The following FGD6 variants were observed in gnomAD, a reference collection of about 807,000 sequenced individuals.
FGD6 encodes the protein FYVE, RhoGEF and PH domain containing 6.
In FGD6, 90 loss-of-function variants were observed where a neutral mutation model predicts 149.4. That is an observed-to-expected ratio of 0.60 (90% confidence interval 0.51 to 0.72). The LOEUF is 0.72. FGD6 is among the 30% of genes least tolerant of loss of function. The probability of loss-of-function intolerance (pLI) is 0.00; values close to 1 mark genes in which losing one functional copy is unlikely to be tolerated. For missense variants in FGD6, 1,437 were observed against 1,684.8 expected, an observed-to-expected ratio of 0.85 and a Z score of 2.57; for synonymous variants, 527 against 584.0, an observed-to-expected ratio of 0.90 and a Z score of 1.41.
chr12:95,161,350 G>T (rs993535605), intron 3 of FGD6, among the ~76,000 whole-genome samples: 1 of 152,058 alleles, frequency 6.6e-6, no homozygotes, highest in Non-Finnish European at 1.5e-5. Flanking sequence ...ACAAAAATTA[G>T]CCAGGCGTAG....
chr12:95,130,857 G>C (rs955828135), intron 8 of FGD6, among the ~76,000 whole-genome samples: 14 of 151,974 alleles, frequency 9.2e-5, no homozygotes, highest in African/African-American at 3.4e-4. Context: ...AAAATAAAAA[G>C]CATCAGTTAA....
chr12:95,148,559 T>TTATATAATATATAGCATATATTATATTA (rs1565908133), intron 5 of FGD6, among the ~76,000 whole-genome samples: 7 of 90,288 alleles, frequency 7.8e-5, no homozygotes, highest in African/African-American at 1.2e-4. Flanking sequence ...ATATTATATA[T>TTATATAATATATAGCATATATTATATTA]TATATATTAT....
chr12:95,125,781 G>C, intron 8 of FGD6: 1 of 734,818 alleles, frequency 1.4e-6, no homozygotes, highest in Non-Finnish European at 2.5e-6. Context: ...GCACTTCATG[G>C]AGGTTGGCTG....
chr12:95,209,819 CCT>C lies in FGD6; in HGVS notation c.1463_1464del (p.Glu488GlyfsTer15), dbSNP rs1446962124. On this transcript the variant is annotated frameshift_variant, in exon 2 of 21. Coordinates refer to ENST00000343958, the MANE Select transcript of FGD6 (RefSeq NM_018351.4). LOFTEE classifies it high-confidence loss of function. Reference protein sequence around the residue: ...PQMQKESVIKEENSLRIVPKK... With the variant: ...PQMQKESVIKXENSLRIVPKK... ...TTGGGGACAATTCGTAGAGAATTTT[CCT>C]CTTTTATAACAGATTCCTTTTGCAT... The C allele has an allele frequency of 5.6e-6, 9 of 1,609,648 alleles. No homozygotes were observed. The highest frequency in any genetic ancestry group is 7.6e-6 in the Non-Finnish European group (9 of 1,179,044).
chr12:95,177,942 T>TTTATTTAC (rs1426884485), intron 2 of FGD6, among the ~76,000 whole-genome samples: 10 of 151,642 alleles, frequency 6.6e-5, no homozygotes, highest in African/African-American at 2.4e-4. Context: ...TATTTATTTA[T>TTTATTTAC]TGGTACAGAC....
chr12:95,095,639 C>T (rs1415213285), intron 14 of FGD6, among the ~76,000 whole-genome samples: 2 of 151,730 alleles, frequency 1.3e-5, no homozygotes, highest in East Asian at 1.9e-4. Flanking sequence ...CATAATAAAA[C>T]AAAATTCATC....
In FGD6 at chr12:95,167,077, G is replaced by A. The variant is rs115840091; in HGVS notation, c.2586+5523C>T. 3.4e-3 allele frequency among the ~76,000 whole-genome samples: 517 copies of A among 152,062 alleles called. 1 individual carries two copies. The highest frequency in any genetic ancestry group is 0.012 in the African/African-American group (490 of 41,482). ...TCACCATGTTGGTCAAGCTGCTCCC[G>A]AACTCCTGACCTAGTGATCTGCCCA... On this transcript the variant is annotated intron_variant, in intron 3 of 20. Coordinates refer to ENST00000343958, the MANE Select transcript of FGD6 (RefSeq NM_018351.4).
In FGD6 at chr12:95,208,860, G is replaced by A; in HGVS notation, c.2424C>T (p.Pro808=). ...EAPDGQLQLG[P]RHQHSSSGAS... is the part of the protein sequence containing the mutation. ...CCTGTTACCTGGAATGCTGATGTCT[G>A]GGTCCAAGCTGCAGCTGGCCATCTG... The change falls in exon 2 of 21, where the codon CCC becomes CCT. Residue 808 remains proline, a synonymous_variant. Transcript: ENST00000343958. 1 of 1,612,838 alleles carries A rather than the reference G, an allele frequency of 6.2e-7. No individual in the cohort carries two copies. The highest frequency in any genetic ancestry group is 8.5e-7 in the Non-Finnish European group (1 of 1,179,230).
chr12:95,101,317 T>G (rs1274666929), intron 14 of FGD6, among the ~76,000 whole-genome samples: 1 of 152,040 alleles, frequency 6.6e-6, no homozygotes, highest in African/African-American at 2.4e-5. Flanking sequence ...ACTGCACTCC[T>G]GGGCAACAGA....
chr12:95,106,317 C>T (rs2136240604), intron 13 of FGD6, among the ~76,000 whole-genome samples: 1 of 145,874 alleles, frequency 6.9e-6, no homozygotes, highest in Non-Finnish European at 1.5e-5. Flanking sequence ...GTTGCTCCAG[C>T]TGGAGTGTAG....
In FGD6 at chr12:95,129,311, GCATCCATCCATCCATCCATCCATC is replaced by G. The variant is rs71435749; in HGVS notation, c.3082+5404_3082+5427del. On this transcript the variant is annotated intron_variant, in intron 8 of 20. Transcript: ENST00000343958. ...TCCATGCATCCATGCATGCATGCAT[GCATCCATCCATCCATCCATCCATC>G]CATCCATCCATCCATCCATCCATCC... Among the ~76,000 whole-genome samples, 161 of 105,402 alleles carry G rather than the reference GCATCCATCCATCCATCCATCCATC, an allele frequency of 1.5e-3. 2 individuals are homozygous for G. Among genetic ancestry groups the G allele is most frequent in the African/African-American group, 6.2e-3 (150 of 24,096 alleles). The allele number at this position is 105,402 out of a possible 152,430, so 69.1% of individuals were successfully genotyped here.
chr12:95,098,467 T>A (rs997433483), intron 14 of FGD6, among the ~76,000 whole-genome samples: 3 of 152,212 alleles, frequency 2.0e-5, no homozygotes, highest in Non-Finnish European at 4.4e-5. Context: ...CTGCACCATC[T>A]AAGTCACCTG....
At chr12:95,154,632 C>T (rs996738784) in intron 3 of FGD6, among the ~76,000 whole-genome samples, 5 of 152,174 alleles carry the variant, frequency 3.3e-5, no homozygotes, top group African/African-American at 7.2e-5. Flanking sequence ...TTTGAAGAAA[C>T]GTCAGACCTG....
intron 14 of FGD6, chr12:95,100,984 A>C (rs4762452): frequency 0.13 from 47,790 of 362,464 alleles, 3,593 homozygotes; most frequent in Admixed American, 0.2. Context: ...CGGGGTAGTT[A>C]TCTCTCTCCA....
Position 95,134,689 on chromosome 12 carries a change from G to C in FGD6, c.3082+50C>G, listed in dbSNP as rs1232036442. 2.0e-6 allele frequency: 3 copies of C among 1,538,152 alleles called. No individual in the cohort carries two copies. In the Admixed American group the frequency reaches 5.2e-5, roughly 27 times the overall value. On this transcript the variant is annotated intron_variant, in intron 8 of 20. Coordinates refer to ENST00000343958, the MANE Select transcript of FGD6 (RefSeq NM_018351.4). ...AGTTTCATAAAGGCAAGAAGAGTTGGCTGATGGATAAACCAACTGGGTGGT... is the reference window on the plus strand; with the variant it reads ...AGTTTCATAAAGGCAAGAAGAGTTGCCTGATGGATAAACCAACTGGGTGGT...
At position 95,085,884 on chromosome 12, in the gene FGD6, A is replaced by G; in HGVS notation, c.4003T>C (p.Ser1335Pro). ...GATCTGTACAAGTAGCCACTCATAGAAGAATCCTCTGTGTTTGCTGATACC... is the reference window on the plus strand; with the variant it reads ...GATCTGTACAAGTAGCCACTCATAGGAGAATCCTCTGTGTTTGCTGATACC... ...KEVSANTEDS[S>P]MSGYLYRSKG... The change falls in exon 19 of 21, where the codon TCT becomes CCT. Residue 1335 changes from serine (S) to proline (P), a missense_variant. This residue lies in a region of FGD6 where 382 missense variants were observed against 538.7 expected (regional missense o/e 0.71). Coordinates refer to ENST00000343958, the MANE Select transcript of FGD6 (RefSeq NM_018351.4). 1.2e-6 allele frequency: 2 copies of G among 1,610,562 alleles called. No homozygotes were observed. Among genetic ancestry groups the G allele is most frequent in the Non-Finnish European group, 1.7e-6 (2 of 1,179,172 alleles).
rs58090669 is a variant in FGD6, at chr12:95,146,711, C to G, written c.2686-5172G>C. Reference sequence around the variant, plus strand: ...CTTGTTTAATGTGGAATTTGTAGAGCTAGAAATGGGCCTCTGAATTATGAA... The same window carrying G: ...CTTGTTTAATGTGGAATTTGTAGAGGTAGAAATGGGCCTCTGAATTATGAA... On this transcript the variant is annotated intron_variant, in intron 5 of 20. Transcript: ENST00000343958. Among the ~76,000 whole-genome samples, 1,460 of 152,172 alleles carry G rather than the reference C, an allele frequency of 9.6e-3. 22 individuals carry two copies. The highest frequency in any genetic ancestry group is 0.033 in the African/African-American group (1,383 of 41,532).
chr12:95,113,246 T>TG (rs1878893717), intron 9 of FGD6, among the ~76,000 whole-genome samples: 1 of 150,952 alleles, frequency 6.6e-6, no homozygotes, highest in African/African-American at 2.4e-5. Context: ...TTTTTTTTTT[T>TG]TTTTGAGAAG....
At chr12:95,207,766 A>G (rs2056700377) in intron 2 of FGD6, among the ~76,000 whole-genome samples, 1 of 152,344 alleles carries the variant, frequency 6.6e-6, no homozygotes, top group Middle Eastern at 3.4e-3. Context: ...ATAGTTATAC[A>G]TTAAGACAGC....
Sources: gnomAD v4.1 joint callset for allele counts (sites outside exome capture counted in the v4.1 genomes callset) on GRCh38, gnomAD v4.1.1 for gene constraint, gnomAD v4.1.1 regional missense constraint, MANE v1.5 for transcripts, NCBI Gene and HGNC (gene_info 2026-07-23, HGNC 2026-07-21) for gene names.